GSTCD: variants seen among roughly 807,000 people sequenced by gnomAD.
GSTCD encodes the protein glutathione S-transferase C-terminal domain containing.
A neutral mutation model predicts 68.3 loss-of-function variants in GSTCD; 44 were observed. The observed-to-expected ratio is 0.64, with a 90% CI of 0.51 to 0.83. The LOEUF (loss-of-function observed/expected upper bound fraction) is 0.83, where lower values mean the gene tolerates loss of function less well. GSTCD is among the 40% of genes least tolerant of loss of function. GSTCD has a pLI of 0.00. For synonymous variants in GSTCD, 273 were observed against 255.2 expected (o/e 1.07, Z -0.67); for missense variants, 739 against 735.9 (o/e 1.00, Z -0.05).
intron 5 of GSTCD, among the ~76,000 whole-genome samples, chr4:105,738,691 G>T (rs1733539062): frequency 6.6e-6 from 1 of 151,924 alleles, no homozygotes; most frequent in South Asian, 2.1e-4. Context: ...TTTGTATCCT[G>T]CAGTTTGGCT....
intron 5 of GSTCD, among the ~76,000 whole-genome samples, chr4:105,753,586 A>G (rs1378497063): frequency 6.6e-6 from 1 of 152,046 alleles, no homozygotes; most frequent in Admixed American, 6.5e-5. Flanking sequence ...AGGTATTACA[A>G]ATAATCTAGA....
At chr4:105,842,263 C>T (rs1724381894) in intron 11 of GSTCD, 129 bp downstream of exon 11, 2 of 675,638 alleles carry the variant, frequency 3.0e-6, no homozygotes, top group South Asian at 4.0e-5. Context: ...TAAATATGTT[C>T]TTCCCAAAAA....
At chr4:105,759,557 A>G (rs1330568781) in intron 5 of GSTCD, among the ~76,000 whole-genome samples, 1 of 152,194 alleles carries the variant, frequency 6.6e-6, no homozygotes, top group Non-Finnish European at 1.5e-5. Context: ...TCAACTGTTC[A>G]TGTTTGTAAC....
chr4:105,791,169 G>A (rs768242112), intron 5 of GSTCD, among the ~76,000 whole-genome samples: 1 of 151,880 alleles, frequency 6.6e-6, no homozygotes, highest in African/African-American at 2.4e-5. Flanking sequence ...CGAGGTGGGC[G>A]GATCACGAGG....
intron 5 of GSTCD, among the ~76,000 whole-genome samples, chr4:105,808,863 CA>C (rs1390300477): frequency 2.0e-5 from 3 of 152,108 alleles, no homozygotes; most frequent in Non-Finnish European, 4.4e-5. Context: ...AGCAAATCCA[CA>C]CTGTGTACAC....
chr4:105,735,753 G>T (rs534069061), intron 5 of GSTCD, among the ~76,000 whole-genome samples: 2 of 151,890 alleles, frequency 1.3e-5, no homozygotes, highest in Admixed American at 1.3e-4. Context: ...AAATCACTCC[G>T]TGTGATTTCT....
intron 3 of GSTCD, among the ~76,000 whole-genome samples, chr4:105,725,357 C>T (rs1427683110): frequency 6.6e-6 from 1 of 152,080 alleles, no homozygotes; most frequent in African/African-American, 2.4e-5. Flanking sequence ...TCATTTGAAG[C>T]ACAATTACTG....
chr4:105,833,659 C>A (rs2149283228), intron 8 of GSTCD, among the ~76,000 whole-genome samples: 1 of 152,066 alleles, frequency 6.6e-6, no homozygotes, highest in East Asian at 1.9e-4. Flanking sequence ...TTTAGAATCC[C>A]CACATCTGAT....
intron 5 of GSTCD, among the ~76,000 whole-genome samples, chr4:105,731,836 A>G (rs1733253653): frequency 6.6e-6 from 1 of 152,188 alleles, no homozygotes; most frequent in East Asian, 1.9e-4. Flanking sequence ...GGTTTGTCAT[A>G]AATAGCTCTT....
At chr4:105,838,453 G>A (rs1289195969) in intron 10 of GSTCD, among the ~76,000 whole-genome samples, 1 of 152,178 alleles carries the variant, frequency 6.6e-6, no homozygotes, top group Non-Finnish European at 1.5e-5. Flanking sequence ...TCCTCTCATT[G>A]TCCTTGACAT....
In GSTCD at chr4:105,845,535, C is replaced by G. The variant is rs1182245536; in HGVS notation, c.1860C>G (p.Ser620Arg). 3 of 1,614,074 alleles carry G rather than the reference C, an allele frequency of 1.9e-6. No individual in the cohort carries two copies. Among genetic ancestry groups the G allele is most frequent in the East Asian group, 4.5e-5 (2 of 44,888 alleles). Residue 620 changes from serine to arginine, a missense_variant, in exon 12 of 12, where the codon AGC becomes AGG. Transcript: ENST00000515279. Reference protein sequence around the residue: ...SVQVISMEPESCSPKNNMIVG... With the variant: ...SVQVISMEPERCSPKNNMIVG... ...AAGTGATATCCATGGAGCCAGAGAG[C>G]TGCTCTCCCAAAAATAACATGATTG...
intron 5 of GSTCD, among the ~76,000 whole-genome samples, chr4:105,743,290 T>A (rs1733696695): frequency 6.6e-6 from 1 of 152,130 alleles, no homozygotes; most frequent in African/African-American, 2.4e-5. Flanking sequence ...TGTATTATGC[T>A]TCTGATACGC....
chr4:105,726,489 G>T, intron 3 of GSTCD, 90 bp from the exon 4 acceptor site: 1 of 760,120 alleles, frequency 1.3e-6, no homozygotes, highest in East Asian at 2.7e-5. Context: ...ACACTTAAAT[G>T]TGTGAATGTT....
At position 105,717,929 on chromosome 4, in the gene GSTCD, G is replaced by T. The variant is rs1235289174; in HGVS notation, c.316G>T (p.Ala106Ser). The change falls in exon 2 of 12, where the codon GCT becomes TCT. Residue 106 changes from alanine (A) to serine (S), a missense_variant. Coordinates refer to ENST00000515279, the MANE Select transcript of GSTCD (RefSeq NM_001370181.1). ...RSDNFCRAGLAVVLRHIIQKS... is the reference protein window; with the variant it reads ...RSDNFCRAGLSVVLRHIIQKS... ...AGACAATTTTTGTAGAGCAGGACTT[G>T]CTGTTGTATTGAGACACATAATCCA... 1 of 1,614,112 alleles carries T rather than the reference G, an allele frequency of 6.2e-7. No individual in the cohort carries two copies. The highest frequency in any genetic ancestry group is 8.5e-7 in the Non-Finnish European group (1 of 1,179,988).
At chr4:105,770,473 T>A (rs979891102) in intron 5 of GSTCD, among the ~76,000 whole-genome samples, 7 of 152,002 alleles carry the variant, frequency 4.6e-5, no homozygotes, top group Admixed American at 3.3e-4. Context: ...GCTGCACCCA[T>A]CAATCCGTCA....
intron 5 of GSTCD, among the ~76,000 whole-genome samples, chr4:105,784,598 T>G (rs1348018777): frequency 6.6e-6 from 1 of 152,206 alleles, no homozygotes; most frequent in Non-Finnish European, 1.5e-5. Context: ...TTAATTATCA[T>G]TAATTACTAT....
At chr4:105,721,976 A>G (rs1314914309) in intron 3 of GSTCD, among the ~76,000 whole-genome samples, 2 of 152,178 alleles carry the variant, frequency 1.3e-5, no homozygotes, top group Non-Finnish European at 2.9e-5. Context: ...TACTGTTCCA[A>G]TACTAGAAGA....
chr4:105,809,634 C>T (rs1718727383), intron 5 of GSTCD, among the ~76,000 whole-genome samples: 1 of 152,082 alleles, frequency 6.6e-6, no homozygotes, highest in Non-Finnish European at 1.5e-5. Flanking sequence ...GCAGCAAGGA[C>T]TGCAATATAC....
At chr4:105,758,039 A>G (rs2149233069) in intron 5 of GSTCD, among the ~76,000 whole-genome samples, 1 of 152,308 alleles carries the variant, frequency 6.6e-6, no homozygotes, top group Non-Finnish European at 1.5e-5. Context: ...CAGCTACTTC[A>G]CATGGTTATA....
Sources: allele counts gnomAD v4.1 joint callset (sites outside exome capture counted in the v4.1 genomes callset), GRCh38; gene constraint gnomAD v4.1.1; transcripts MANE v1.5; gene names NCBI Gene and HGNC (gene_info 2026-07-23, HGNC 2026-07-21).